GJC1: variants seen among roughly 807,000 people sequenced by gnomAD.
GJC1 encodes gap junction protein gamma 1.
Under a neutral mutation model 29.3 loss-of-function variants are expected in GJC1, and 5 were observed. That is an observed-to-expected ratio of 0.17 (90% CI 0.09 to 0.36). The LOEUF (loss-of-function observed/expected upper bound fraction) is 0.36. Ranked by LOEUF, GJC1 falls within the 10% of genes least tolerant of loss-of-function variation. The probability of loss-of-function intolerance (pLI) is 1.00; values close to 1 mark genes in which losing one functional copy is unlikely to be tolerated. For synonymous variants in GJC1, 177 were observed against 183.3 expected (o/e 0.97, Z 0.28); for missense variants, 310 against 496.2 (o/e 0.62, Z 3.56).
intron 1 of GJC1, among the ~76,000 whole-genome samples, chr17:44,818,459 G>A (rs1217817334): frequency 1.3e-5 from 2 of 148,552 alleles, no homozygotes; most frequent in Non-Finnish European, 3.0e-5. Flanking sequence ...ATTAACCCAA[G>A]AAATCACTTC....
At chr17:44,806,909 C>T (rs2145307487) in intron 2 of GJC1, among the ~76,000 whole-genome samples, 1 of 152,146 alleles carries the variant, frequency 6.6e-6, no homozygotes, top group Middle Eastern at 3.4e-3. Flanking sequence ...GAAGATGGTA[C>T]AGCTACAAAC....
In GJC1 at chr17:44,798,615, A is replaced by G. The variant is rs1181370305; in HGVS notation, c.*6012T>C. ...AGGTGATTCCTTAGCTGTTCATGCA[A>G]TATCCAAACTGCACACCACATGACA... On this transcript the variant is annotated 3_prime_UTR_variant, in exon 3 of 3. Coordinates refer to ENST00000592524, the MANE Select transcript of GJC1 (RefSeq NM_005497.4). 1 of 152,220 alleles carries G rather than the reference A, an allele frequency of 6.6e-6. No homozygotes were observed. The highest frequency in any genetic ancestry group is 1.5e-5 in the Non-Finnish European group (1 of 68,034). 9.4% of individuals were successfully genotyped at this position (152,220 alleles called of 1,614,324 possible).
intron 1 of GJC1, among the ~76,000 whole-genome samples, chr17:44,826,452 C>T (rs958552591): frequency 6.6e-6 from 1 of 151,638 alleles, no homozygotes; most frequent in Non-Finnish European, 1.5e-5. Flanking sequence ...ATGGCATGAA[C>T]TCGGGAGGTG....
intron 1 of GJC1, among the ~76,000 whole-genome samples, chr17:44,812,091 G>C (rs755301839): frequency 2.1e-4 from 32 of 152,138 alleles, no homozygotes; most frequent in Non-Finnish European, 3.4e-4. Flanking sequence ...AAGGCGGATG[G>C]ATCACGAGGT....
At position 44,818,304 on chromosome 17, in the gene GJC1, A is replaced by C. The variant is rs147961696; in HGVS notation, c.-96-10835T>G. Among the ~76,000 whole-genome samples the C allele has an allele frequency of 2.3e-4, 35 of 152,354 alleles. No individual in the cohort carries two copies. In the East Asian group the frequency reaches 6.0e-3, roughly 26 times the overall value. ...AGATCTTAAAATGTAAAATGGAATG[A>C]AAGTTTAAAAGTAAAATAAAACAGA... On this transcript the variant is annotated intron_variant, in intron 1 of 2. Coordinates refer to ENST00000592524, the MANE Select transcript of GJC1 (RefSeq NM_005497.4).
chr17:44,815,999 G>A (rs2050038103), intron 1 of GJC1, among the ~76,000 whole-genome samples: 1 of 150,368 alleles, frequency 6.7e-6, no homozygotes, highest in Admixed American at 6.8e-5. Flanking sequence ...TGTAATCCCA[G>A]CTACTCGGGA....
chr17:44,818,508 T>TA (rs11335815), intron 1 of GJC1, among the ~76,000 whole-genome samples: 6,922 of 144,218 alleles, frequency 0.048, 290 homozygotes, highest in East Asian at 0.24. Flanking sequence ...AGTCTCATGT[T>TA]AAAAAAAAAA....
In GJC1 at chr17:44,799,595, T is replaced by C. The variant is rs993476249; in HGVS notation, c.*5032A>G. 5.3e-5 allele frequency: 8 copies of C among 152,022 alleles called. No homozygotes were observed. Among genetic ancestry groups the C allele is most frequent in the African/African-American group, 1.2e-4 (5 of 41,392 alleles). The allele number at this position is 152,022 out of a possible 1,614,324, so 9.4% of individuals were successfully genotyped here. ...AAGTACGATTATTAACACTGATTAATAACACATGAACCAAACCCACTTAAT... is the reference window on the plus strand; with the variant it reads ...AAGTACGATTATTAACACTGATTAACAACACATGAACCAAACCCACTTAAT... On this transcript the variant is annotated 3_prime_UTR_variant, in exon 3 of 3. Transcript: ENST00000592524.
At chr17:44,817,708 C>T (rs1045018539) in intron 1 of GJC1, among the ~76,000 whole-genome samples, 16 of 151,510 alleles carry the variant, frequency 1.1e-4, no homozygotes, top group African/African-American at 2.4e-5. Context: ...GAAACTCCAT[C>T]TCAAAAAAAC....
intron 1 of GJC1, among the ~76,000 whole-genome samples, chr17:44,819,583 A>G (rs1309192516): frequency 6.6e-6 from 1 of 151,866 alleles, no homozygotes; most frequent in Non-Finnish European, 1.5e-5. Context: ...GCGTGAACCC[A>G]GGAGGCAGAG....
chr17:44,823,347 G>A (rs947890911), intron 1 of GJC1, among the ~76,000 whole-genome samples: 34 of 149,422 alleles, frequency 2.3e-4, no homozygotes, highest in African/African-American at 7.9e-4. Context: ...CGCCTCCCGG[G>A]TTCAAGTGAT....
chr17:44,802,895 C>G lies in GJC1; in HGVS notation c.*1732G>C, dbSNP rs2049868607. 6.6e-6 allele frequency: 1 copy of G among 152,046 alleles called. No individual in the cohort carries two copies. The highest frequency in any genetic ancestry group is 2.4e-5 in the African/African-American group (1 of 41,378). 9.4% of individuals were successfully genotyped at this position (152,046 alleles called of 1,614,324 possible). On this transcript the variant is annotated 3_prime_UTR_variant, in exon 3 of 3. Transcript: ENST00000592524. The stretch of plus-strand genomic sequence containing the variant: ...GCACATGCCTGTAGTCCCAGCTAAT[C>G]AAGAGGCTGAGGTGGAATGATTGCT...
chr17:44,829,002 G>C (rs543403650), intron 1 of GJC1, among the ~76,000 whole-genome samples: 1 of 150,916 alleles, frequency 6.6e-6, no homozygotes, highest in African/African-American at 2.4e-5. Flanking sequence ...ATATTCACTT[G>C]AACGTATACA....
At chr17:44,795,379 G>A (rs548052442), downstream of GJC1, among the ~76,000 whole-genome samples, 2 of 152,180 alleles carry the variant, frequency 1.3e-5, no homozygotes, top group South Asian at 4.2e-4. Context: ...GATTACAGGC[G>A]CCTTCCACTG....
In GJC1 at chr17:44,799,868, G is replaced by C. The variant is rs1221475844; in HGVS notation, c.*4759C>G. ...AAGGAGGTCCAGGCTGTAGTGAGTT[G>C]AGATTGTGCCATTGCACTCTAGCCT... On this transcript the variant is annotated 3_prime_UTR_variant, in exon 3 of 3. Transcript: ENST00000592524. The C allele has an allele frequency of 6.6e-6, 1 of 152,198 alleles. No individual in the cohort carries two copies. The highest frequency in any genetic ancestry group is 1.9e-4 in the East Asian group (1 of 5,184). The allele number at this position is 152,198 out of a possible 1,614,324, so 9.4% of individuals were successfully genotyped here.
chr17:44,826,740 T>C (rs1443768259), intron 1 of GJC1, among the ~76,000 whole-genome samples: 2 of 152,146 alleles, frequency 1.3e-5, no homozygotes, highest in East Asian at 1.9e-4. Context: ...CTCTTTAGAG[T>C]TGCAGTAAAT....
intron 1 of GJC1, among the ~76,000 whole-genome samples, chr17:44,827,836 C>T (rs1005309607): frequency 1.3e-5 from 2 of 151,386 alleles, no homozygotes; most frequent in Admixed American, 1.3e-4. Flanking sequence ...TGCACTCTAG[C>T]CTGGGCGACA....
intron 1 of GJC1, among the ~76,000 whole-genome samples, chr17:44,814,383 AC>A (rs1332220270): frequency 6.6e-6 from 1 of 151,148 alleles, no homozygotes; most frequent in East Asian, 2.0e-4. Context: ...CTCGTGATCC[AC>A]CCACCTCAGC....
At chr17:44,830,771 G>A (rs1597769288), upstream of GJC1, 2 of 398,492 alleles carry the variant, frequency 5.0e-6, no homozygotes, top group East Asian at 3.6e-5. The surrounding 1 kb of genome is among the most constrained non-coding windows in gnomAD (Gnocchi z 4.3). Context: ...GGATCTGGCG[G>A]GCCCTGCGTG....
Sources: allele counts gnomAD v4.1 joint callset (sites outside exome capture counted in the v4.1 genomes callset), GRCh38; gene constraint gnomAD v4.1.1; non-coding constraint Gnocchi (gnomAD v3.1); transcripts MANE v1.5; gene names NCBI Gene and HGNC (gene_info 2026-07-23, HGNC 2026-07-21).